Variants in PTPRN2 observed in about 807,000 individuals in gnomAD.
PTPRN2 encodes the protein receptor-type tyrosine-protein phosphatase N2.
PTPRN2 carries 74 observed loss-of-function variants against 118.8 expected under a neutral mutation model. The observed-to-expected ratio is 0.62, with a 90% confidence interval of 0.52 to 0.76. The LOEUF (loss-of-function observed/expected upper bound fraction) is 0.76, where lower values mean the gene tolerates loss of function less well. Ranked by LOEUF, PTPRN2 falls within the 30% of genes least tolerant of loss-of-function variation. The probability of loss-of-function intolerance (pLI) is 0.00; values close to 1 mark genes in which losing one functional copy is unlikely to be tolerated. For missense variants in PTPRN2, 1,481 were observed against 1,394.4 expected, an observed-to-expected ratio of 1.06 and a Z score of -0.99; for synonymous variants, 641 against 608.0, an observed-to-expected ratio of 1.05 and a Z score of -0.80.
chr7:158,300,960 T>C (rs1421589440), intron 3 of PTPRN2, among the ~76,000 whole-genome samples: 1 of 152,210 alleles, frequency 6.6e-6, no homozygotes, highest in African/African-American at 2.4e-5. Flanking sequence ...AGATGAACTA[T>C]GTAGTTGTTC....
intron 3 of PTPRN2, among the ~76,000 whole-genome samples, chr7:158,208,689 G>C (rs1328135258): frequency 6.6e-6 from 1 of 152,178 alleles, no homozygotes; most frequent in African/African-American, 2.4e-5. Flanking sequence ...ATGTTAGTGA[G>C]CAGTAAGAAA....
intron 1 of PTPRN2, among the ~76,000 whole-genome samples, chr7:158,580,428 T>C (rs1217346140): frequency 6.6e-6 from 1 of 152,216 alleles, no homozygotes; most frequent in South Asian, 2.1e-4. Flanking sequence ...AACAAACCAT[T>C]TCTAAACATG....
intron 19 of PTPRN2, 140 bp downstream of exon 19, chr7:157,576,473 C>T (rs1046093652): frequency 4.6e-6 from 4 of 878,144 alleles, no homozygotes; most frequent in African/African-American, 3.5e-5. Flanking sequence ...TCCCGCCTCT[C>T]GCTTCCCTTC....
intron 11 of PTPRN2, among the ~76,000 whole-genome samples, chr7:157,997,846 GTGGA>G: frequency 7.5e-6 from 1 of 133,048 alleles, no homozygotes; most frequent in African/African-American, 2.8e-5. Flanking sequence ...GTGCAGGGGA[GTGGA>G]GTGCAGGGCT....
intron 2 of PTPRN2, among the ~76,000 whole-genome samples, chr7:158,435,884 C>T (rs1417154144): frequency 6.6e-6 from 1 of 152,114 alleles, no homozygotes; most frequent in African/African-American, 2.4e-5. Context: ...AATGCGTAGA[C>T]CCAGAGAGAA....
At chr7:157,667,487 G>A (rs1796201447) in intron 13 of PTPRN2, among the ~76,000 whole-genome samples, 1 of 152,220 alleles carries the variant, frequency 6.6e-6, no homozygotes, top group South Asian at 2.1e-4. Context: ...ACAGCCTCAC[G>A]GGAGCTGGGG....
chr7:158,477,917 C>G (rs767009646), intron 2 of PTPRN2, among the ~76,000 whole-genome samples: 1 of 152,316 alleles, frequency 6.6e-6, no homozygotes, highest in East Asian at 1.9e-4. Flanking sequence ...GAAGCACAGG[C>G]GGTGTCCACA....
chr7:158,270,806 T>TCACCTGGACCGCCCCC (rs1554434303), intron 3 of PTPRN2, among the ~76,000 whole-genome samples: 1 of 6,398 alleles, frequency 1.6e-4, no homozygotes, highest in Admixed American at 1.4e-3. Flanking sequence ...GACCACCCCC[T>TCACCTGGACCGCCCCC]CACCTGGACC....
At chr7:158,185,791 C>T (rs117446941) in intron 5 of PTPRN2, among the ~76,000 whole-genome samples, 3,828 of 152,282 alleles carry the variant, frequency 0.025, 72 homozygotes, top group Middle Eastern at 0.095. Flanking sequence ...TGCACTCAGC[C>T]GCCAGGTTTC....
chr7:158,177,252 T>C (rs1824293593), intron 5 of PTPRN2, among the ~76,000 whole-genome samples: 2 of 152,212 alleles, frequency 1.3e-5, no homozygotes, highest in African/African-American at 4.8e-5. Context: ...GTTGGTTTTA[T>C]GGATTTTTTT....
chr7:157,654,507 T>A (rs949616586), intron 14 of PTPRN2, among the ~76,000 whole-genome samples: 4 of 152,144 alleles, frequency 2.6e-5, no homozygotes, highest in Non-Finnish European at 4.4e-5. Flanking sequence ...TTGGCCTGAG[T>A]GTGTTTCTCG....
chr7:158,212,709 C>G (rs890904783), intron 3 of PTPRN2, among the ~76,000 whole-genome samples: 1 of 152,030 alleles, frequency 6.6e-6, no homozygotes, highest in African/African-American at 2.4e-5. Flanking sequence ...ACAATAAGCA[C>G]ATAGTACCCG....
intron 13 of PTPRN2, among the ~76,000 whole-genome samples, chr7:157,681,492 G>T (rs1040680695): frequency 6.6e-6 from 1 of 152,306 alleles, no homozygotes; most frequent in African/African-American, 2.4e-5. Context: ...GAAAAAGATC[G>T]TCCTGACCGG....
intron 2 of PTPRN2, among the ~76,000 whole-genome samples, chr7:158,332,427 C>G (rs1368305429): frequency 6.7e-6 from 1 of 149,636 alleles, no homozygotes; most frequent in African/African-American, 2.5e-5. Context: ...AGAGCTGACA[C>G]CTGCAGACGT....
At chr7:158,498,843 G>A (rs1412451234) in intron 1 of PTPRN2, among the ~76,000 whole-genome samples, 1 of 152,178 alleles carries the variant, frequency 6.6e-6, no homozygotes, top group Non-Finnish European at 1.5e-5. Context: ...AATATAGTAT[G>A]ACCCATGAAA....
chr7:157,580,375 T>C (rs1389909794), intron 17 of PTPRN2, among the ~76,000 whole-genome samples: 2 of 152,070 alleles, frequency 1.3e-5, no homozygotes, highest in Non-Finnish European at 1.5e-5. Context: ...TGGCACTTCC[T>C]GTTTGGTGAA....
intron 11 of PTPRN2, among the ~76,000 whole-genome samples, chr7:158,024,728 C>T (rs1407169592): frequency 6.6e-6 from 1 of 152,120 alleles, no homozygotes; most frequent in East Asian, 1.9e-4. Flanking sequence ...GGAAGGGGGC[C>T]AAGGCCAGCT....
intron 11 of PTPRN2, among the ~76,000 whole-genome samples, chr7:157,988,465 G>C (rs1803986734): frequency 6.6e-6 from 1 of 152,192 alleles, no homozygotes; most frequent in South Asian, 2.1e-4. Flanking sequence ...CCCCACAGGA[G>C]GGTTCCCTGT....
intron 3 of PTPRN2, among the ~76,000 whole-genome samples, chr7:158,286,396 A>G (rs1799771624): frequency 6.6e-6 from 1 of 152,188 alleles, no homozygotes; most frequent in South Asian, 2.1e-4. Context: ...GTGTTGAAAG[A>G]AGTGGCGAGA....
Sources: gnomAD v4.1 joint callset for allele counts (sites outside exome capture counted in the v4.1 genomes callset) on GRCh38, gnomAD v4.1.1 for gene constraint, MANE v1.5 for transcripts, NCBI Gene and HGNC (gene_info 2026-07-23, HGNC 2026-07-21) for gene names.